The following LRP1B variants were observed in gnomAD, a reference collection of about 807,000 sequenced individuals.
LRP1B encodes low-density lipoprotein receptor-related protein 1B.
In LRP1B, 217 loss-of-function variants were observed where a neutral mutation model predicts 556.6. The ratio of observed to expected loss-of-function variants is 0.39; its 90% CI spans 0.35 to 0.44. The LOEUF (loss-of-function observed/expected upper bound fraction) is 0.44, where lower values mean the gene tolerates loss of function less well. Among genes scored for constraint, LRP1B ranks in the 20% least tolerant of loss-of-function variants. The probability of loss-of-function intolerance (pLI) is 1.00; values close to 1 mark genes in which losing one functional copy is unlikely to be tolerated. For synonymous variants in LRP1B, 2,047 were observed against 1,865.8 expected, an observed-to-expected ratio of 1.10 and a Z score of -2.50; for missense variants, 5,053 against 5,620.8, an observed-to-expected ratio of 0.90 and a Z score of 3.23.
intron 35 of LRP1B, among the ~76,000 whole-genome samples, chr2:140,765,010 A>C (rs1309182328): frequency 6.6e-6 from 1 of 152,082 alleles, no homozygotes; most frequent in African/African-American, 2.4e-5. Flanking sequence ...TTTTCTTTTA[A>C]TAGAGACAGG....
intron 3 of LRP1B, among the ~76,000 whole-genome samples, chr2:141,376,741 G>T (rs1249171687): frequency 6.6e-6 from 1 of 152,004 alleles, no homozygotes; most frequent in Non-Finnish European, 1.5e-5. Context: ...ACTTTCAAAA[G>T]AAAGAAATAA....
At position 142,115,652 on chromosome 2, in the gene LRP1B, TTATATGTAATATA is replaced by T. The variant is rs1272551539; in HGVS notation, c.82+14983_82+14995del. On this transcript the variant is annotated intron_variant, in intron 1 of 90. Coordinates refer to ENST00000389484, the MANE Select transcript of LRP1B (RefSeq NM_018557.3). ...ATATATTATATATGTAATATATATA[TTATATGTAATATA>T]TATATGTAATATATATATAATATAT... 4.1e-3 allele frequency among the ~76,000 whole-genome samples: 26 copies of T among 6,268 alleles called. 7 individuals carry two copies. Among genetic ancestry groups the T allele is most frequent in the Admixed American group, 0.025 (5 of 204 alleles). The allele number at this position is 6,268 out of a possible 152,430, so 4.1% of individuals were successfully genotyped here.
chr2:141,980,496 A>C (rs950635808), intron 1 of LRP1B, among the ~76,000 whole-genome samples: 3 of 152,114 alleles, frequency 2.0e-5, no homozygotes, highest in African/African-American at 7.2e-5. Flanking sequence ...CCCTCTCCCC[A>C]TCTCACCTCA....
chr2:140,872,618 G>A (rs944975214), intron 25 of LRP1B, among the ~76,000 whole-genome samples: 16 of 151,600 alleles, frequency 1.1e-4, no homozygotes, highest in African/African-American at 3.9e-4. Flanking sequence ...AATAAATGTG[G>A]TCTCCTTATA....
rs756306313 is a variant in LRP1B, at chr2:140,601,594, G to A, written c.6845C>T (p.Thr2282Ile). The A allele has an allele frequency of 8.1e-6, 13 of 1,611,486 alleles. No individual in the cohort carries two copies. In the South Asian group the frequency reaches 1.4e-4, roughly 18 times the overall value. ...EGLAYHRAWDTLYWTSSTTSS... is the reference protein window; with the variant it reads ...EGLAYHRAWDILYWTSSTTSS... ...GGTGGTAGAGCTTGTCCAGTACAGT[G>A]TATCCCAGGCTCTGTGATAGGCAAG... is the stretch of plus-strand genomic sequence containing the variant. The change falls in exon 42 of 91, where the codon ACA becomes ATA. Residue 2282 changes from threonine to isoleucine, a missense_variant. Physicochemically the swap from Thr to Ile is moderately conservative, Grantham distance 89 (BLOSUM62 -1). This residue lies in a region of LRP1B where 3,619 missense variants were observed against 3,931.9 expected (regional missense o/e 0.92). Coordinates refer to ENST00000389484, the MANE Select transcript of LRP1B (RefSeq NM_018557.3).
At chr2:141,623,457 C>CT (rs543300859) in intron 2 of LRP1B, among the ~76,000 whole-genome samples, 1 of 152,236 alleles carries the variant, frequency 6.6e-6, no homozygotes, top group South Asian at 2.1e-4. Flanking sequence ...ACACCTTTGT[C>CT]TTTTTCTCAT....
At chr2:141,332,466 G>T (rs558267524) in intron 3 of LRP1B, among the ~76,000 whole-genome samples, 1 of 148,902 alleles carries the variant, frequency 6.7e-6, no homozygotes, top group Non-Finnish European at 1.5e-5. Context: ...AAAAAAGCAT[G>T]AATTTTATAT....
chr2:141,570,000 A>T (rs1686470066), intron 2 of LRP1B, among the ~76,000 whole-genome samples: 3 of 151,128 alleles, frequency 2.0e-5, no homozygotes, highest in African/African-American at 7.3e-5. Flanking sequence ...TGTGGGCCAC[A>T]GACAGGAGAA....
intron 3 of LRP1B, among the ~76,000 whole-genome samples, chr2:141,380,594 A>G (rs573048939): frequency 1.1e-4 from 17 of 152,288 alleles, no homozygotes; most frequent in African/African-American, 3.4e-4. Flanking sequence ...TTAGGCCTCT[A>G]GGTGCAAAAA....
intron 66 of LRP1B, among the ~76,000 whole-genome samples, chr2:140,392,390 G>A (rs1223336119): frequency 6.6e-6 from 1 of 152,058 alleles, no homozygotes; most frequent in Non-Finnish European, 1.5e-5. Flanking sequence ...TGAGACAAAT[G>A]CATATCTGAT....
chr2:140,383,047 T>G (rs1282629548), intron 67 of LRP1B, among the ~76,000 whole-genome samples: 1 of 152,204 alleles, frequency 6.6e-6, no homozygotes, highest in Non-Finnish European at 1.5e-5. Context: ...TATGTTTGTG[T>G]AAGTACACTT....
chr2:142,064,698 A>G (rs1229424492), intron 1 of LRP1B, among the ~76,000 whole-genome samples: 2 of 151,578 alleles, frequency 1.3e-5, no homozygotes, highest in Non-Finnish European at 3.0e-5. Context: ...CATCTGCAAA[A>G]AAGCATACAC....
chr2:141,366,666 C>T (rs1689046304), intron 3 of LRP1B, among the ~76,000 whole-genome samples: 1 of 152,170 alleles, frequency 6.6e-6, no homozygotes, highest in Non-Finnish European at 1.5e-5. Context: ...TTCAGAAAAT[C>T]ATGACAAATT....
chr2:140,700,352 G>T lies in LRP1B; in HGVS notation c.6697C>A (p.Gln2233Lys), dbSNP rs2105420196. The change falls in exon 41 of 91, where the codon CAA becomes AAA. Residue 2233 changes from glutamine (Q) to lysine (K), a missense_variant. Gln to Lys is a moderately conservative substitution (Grantham distance 53). Transcript: ENST00000389484. ...ATTCGGTTGGTACCTTTTCTTCTTT[G>T]ATTATAGTCAAAAGCCAAGGCTATG... ...NVIALAFDYN[Q>K]RRKGTNRIFY... The T allele has an allele frequency of 6.2e-7, 1 of 1,613,020 alleles. No individual in the cohort carries two copies. The highest frequency in any genetic ancestry group is 1.1e-5 in the South Asian group (1 of 90,970).
intron 32 of LRP1B, among the ~76,000 whole-genome samples, chr2:140,790,257 T>C (rs1268020474): frequency 6.6e-6 from 1 of 152,042 alleles, no homozygotes; most frequent in Non-Finnish European, 1.5e-5. Flanking sequence ...TGGTGGAAAT[T>C]CTGGTCTGGA....
intron 7 of LRP1B, among the ~76,000 whole-genome samples, chr2:141,165,799 G>A (rs935929553): frequency 6.6e-5 from 10 of 151,940 alleles, no homozygotes; most frequent in African/African-American, 2.4e-4. Context: ...ATTTTAGTTG[G>A]AAATCCTGGT....
In LRP1B at chr2:140,450,664, TAAA is replaced by T; in HGVS notation, c.9964-6_9964-4del. ...CATTTGTCAGTTTTGCAACGAAACT[TAAA>T]AAAGAAAAAAAGAAAAAAAAATGTT... On this transcript the variant is annotated splice_region_variant and splice_polypyrimidine_tract_variant and intron_variant, in intron 62 of 90. Transcript: ENST00000389484. 1 of 1,593,562 alleles carries T rather than the reference TAAA, an allele frequency of 6.3e-7. No individual in the cohort carries two copies. Among genetic ancestry groups the T allele is most frequent in the South Asian group, 1.1e-5 (1 of 88,638 alleles).
At chr2:140,553,331 C>G (rs1319915515) in intron 43 of LRP1B, among the ~76,000 whole-genome samples, 1 of 151,606 alleles carries the variant, frequency 6.6e-6, no homozygotes, top group Non-Finnish European at 1.5e-5. Context: ...TACAAGATGC[C>G]TAAATGACAC....
intron 1 of LRP1B, among the ~76,000 whole-genome samples, chr2:142,072,252 G>A (rs147159436): frequency 1.7e-4 from 26 of 152,028 alleles, no homozygotes; most frequent in Non-Finnish European, 3.4e-4. Flanking sequence ...TGTCACCTAA[G>A]GTAGTACTAG....
Sources: allele counts gnomAD v4.1 joint callset (sites outside exome capture counted in the v4.1 genomes callset), GRCh38; gene constraint gnomAD v4.1.1; regional missense constraint gnomAD v4.1.1; transcripts MANE v1.5; gene names NCBI Gene and HGNC (gene_info 2026-07-23, HGNC 2026-07-21).